Variants in AGBL4 observed in about 807,000 individuals in gnomAD.
AGBL4 encodes the protein cytosolic carboxypeptidase 6.
In AGBL4, 58 loss-of-function variants were observed where a neutral mutation model predicts 66.4. The observed-to-expected ratio is 0.87, with a 90% CI of 0.71 to 1.09. The LOEUF (loss-of-function observed/expected upper bound fraction) is 1.09, where lower values mean the gene tolerates loss of function less well. Among genes scored for constraint, AGBL4 ranks in the 50% least tolerant of loss-of-function variants. The pLI, the probability that AGBL4 is intolerant of heterozygous loss-of-function variation, is 0.00. For missense variants in AGBL4, 579 were observed against 631.0 expected (o/e 0.92, Z 0.88); for synonymous variants, 234 against 222.9 (o/e 1.05, Z -0.44).
intron 3 of AGBL4, among the ~76,000 whole-genome samples, chr1:49,354,083 G>A (rs1643967997): frequency 6.6e-6 from 1 of 152,166 alleles, no homozygotes; most frequent in African/African-American, 2.4e-5. Flanking sequence ...AGCTATCTGT[G>A]GATGGCAACT....
At chr1:49,223,269 G>A (rs1415334822) in intron 4 of AGBL4, among the ~76,000 whole-genome samples, 1 of 152,134 alleles carries the variant, frequency 6.6e-6, no homozygotes, top group East Asian at 1.9e-4. Context: ...TGAATAACAG[G>A]AGAGTATCAC....
At chr1:49,691,889 C>T (rs1372406380) in intron 3 of AGBL4, among the ~76,000 whole-genome samples, 1 of 152,160 alleles carries the variant, frequency 6.6e-6, no homozygotes, top group Non-Finnish European at 1.5e-5. Flanking sequence ...CCAAGTTCTT[C>T]AGTTTTGGAA....
At chr1:48,938,671 GC>G (rs906655137) in intron 5 of AGBL4, among the ~76,000 whole-genome samples, 2 of 152,104 alleles carry the variant, frequency 1.3e-5, no homozygotes, top group Admixed American at 1.3e-4. Context: ...AATAAATTGG[GC>G]ATTTGTATAT....
chr1:48,669,554 C>A (rs1414324451), intron 6 of AGBL4, among the ~76,000 whole-genome samples: 4 of 152,198 alleles, frequency 2.6e-5, no homozygotes, highest in Non-Finnish European at 5.9e-5. Context: ...GAACCACTCT[C>A]CTACAAGAAT....
intron 5 of AGBL4, among the ~76,000 whole-genome samples, chr1:48,993,600 G>A (rs896746381): frequency 2.6e-5 from 4 of 152,082 alleles, no homozygotes; most frequent in Admixed American, 2.0e-4. Flanking sequence ...GATCCAGACC[G>A]CCTTTGAAGT....
intron 6 of AGBL4, among the ~76,000 whole-genome samples, chr1:48,848,684 A>T (rs1646970560): frequency 6.6e-6 from 1 of 152,150 alleles, no homozygotes; most frequent in Non-Finnish European, 1.5e-5. Context: ...GGGAATTCTG[A>T]ATAGTTTTCA....
intron 3 of AGBL4, among the ~76,000 whole-genome samples, chr1:49,368,773 A>G (rs1644287455): frequency 6.6e-6 from 1 of 152,118 alleles, no homozygotes; most frequent in Admixed American, 6.6e-5. Flanking sequence ...ACCATTCTAT[A>G]CTTAGAAGAA....
intron 1 of AGBL4, among the ~76,000 whole-genome samples, chr1:49,884,983 T>C (rs1053230505): frequency 2.0e-5 from 3 of 151,944 alleles, no homozygotes; most frequent in Non-Finnish European, 4.4e-5. Flanking sequence ...GATATTTAAA[T>C]GGGTTATGCT....
chr1:49,045,439 A>G (rs1188574519), intron 5 of AGBL4, 145 bp downstream of exon 5: 4 of 589,120 alleles, frequency 6.8e-6, no homozygotes, highest in Non-Finnish European at 1.2e-5. Context: ...TAATTATATA[A>G]TTGTTTAATT....
intron 3 of AGBL4, among the ~76,000 whole-genome samples, chr1:49,670,159 T>A (rs1293330738): frequency 6.6e-6 from 1 of 152,072 alleles, no homozygotes; most frequent in Non-Finnish European, 1.5e-5. Flanking sequence ...AAGCACCTAT[T>A]CTTTAAAAAT....
intron 2 of AGBL4, among the ~76,000 whole-genome samples, chr1:49,754,279 A>AT (rs1208920310): frequency 2.2e-5 from 3 of 135,874 alleles, no homozygotes; most frequent in African/African-American, 5.8e-5. Context: ...TTTTTTTTTT[A>AT]TTTTTTTATT....
intron 5 of AGBL4, among the ~76,000 whole-genome samples, chr1:48,903,174 A>T (rs1652253545): frequency 6.6e-6 from 1 of 152,170 alleles, no homozygotes; most frequent in African/African-American, 2.4e-5. Flanking sequence ...TGCAACTCTG[A>T]TTTGGTCTCT....
At chr1:48,535,060 A>G in intron 12 of AGBL4, 144 bp from the exon 13 acceptor site, 2 of 809,198 alleles carry the variant, frequency 2.5e-6, no homozygotes, top group Non-Finnish European at 3.9e-6. Context: ...TTTTATGGGG[A>G]AAAAGAAGAG....
chr1:49,413,545 A>G (rs1645362365), intron 3 of AGBL4, among the ~76,000 whole-genome samples: 1 of 152,216 alleles, frequency 6.6e-6, no homozygotes, highest in Non-Finnish European at 1.5e-5. Context: ...CCCAAGTTGC[A>G]AAGAATAAAA....
At chr1:48,982,333 C>G (rs1659841091) in intron 5 of AGBL4, among the ~76,000 whole-genome samples, 2 of 152,178 alleles carry the variant, frequency 1.3e-5, no homozygotes, top group South Asian at 4.1e-4. Context: ...TCTCCCAGTG[C>G]TATCCCTCCC....
intron 2 of AGBL4, among the ~76,000 whole-genome samples, chr1:49,712,509 G>C (rs1647750650): frequency 6.6e-6 from 1 of 151,674 alleles, no homozygotes; most frequent in East Asian, 1.9e-4. Context: ...CAGTTATGTA[G>C]GATGAATAAG....
intron 5 of AGBL4, among the ~76,000 whole-genome samples, chr1:48,901,637 T>A (rs1374883541): frequency 6.6e-6 from 1 of 152,198 alleles, no homozygotes; most frequent in African/African-American, 2.4e-5. Flanking sequence ...ATTGTATAAT[T>A]CCATTTTTAT....
At chr1:49,925,117 A>T (rs1571882686) in intron 1 of AGBL4, among the ~76,000 whole-genome samples, 1 of 152,154 alleles carries the variant, frequency 6.6e-6, no homozygotes, top group Non-Finnish European at 1.5e-5. Context: ...CTTGTAGCTC[A>T]TGGGGTGACT....
At chr1:49,246,541 A>G (rs962572033) in intron 3 of AGBL4, among the ~76,000 whole-genome samples, 5 of 151,852 alleles carry the variant, frequency 3.3e-5, no homozygotes, top group Admixed American at 1.3e-4. Context: ...TTATAGCGCC[A>G]TAAGTACTTG....
Sources: allele counts gnomAD v4.1 joint callset (sites outside exome capture counted in the v4.1 genomes callset), GRCh38; gene constraint gnomAD v4.1.1; transcripts MANE v1.5; gene names NCBI Gene and HGNC (gene_info 2026-07-23, HGNC 2026-07-21).